MCTP1: variants seen among roughly 807,000 people sequenced by gnomAD.
MCTP1 encodes the protein multiple C2 and transmembrane domain-containing protein 1.
A neutral mutation model predicts 120.6 loss-of-function variants in MCTP1; 69 were observed. The ratio of observed to expected loss-of-function variants is 0.57; its 90% CI spans 0.47 to 0.70. The LOEUF is 0.70. MCTP1 is among the 30% of genes least tolerant of loss of function. The probability of loss-of-function intolerance (pLI) is 0.00; values close to 1 mark genes in which losing one functional copy is unlikely to be tolerated. For synonymous variants in MCTP1, 529 were observed against 493.1 expected, an observed-to-expected ratio of 1.07 and a Z score of -0.96; for missense variants, 1,203 against 1,248.8, an observed-to-expected ratio of 0.96 and a Z score of 0.55.
chr5:94,960,615 C>G (rs923981718), intron 2 of MCTP1, among the ~76,000 whole-genome samples: 1 of 152,044 alleles, frequency 6.6e-6, no homozygotes, highest in Non-Finnish European at 1.5e-5. Context: ...AGGATATGAA[C>G]AGATACTTTT....
intron 12 of MCTP1, among the ~76,000 whole-genome samples, chr5:94,888,367 T>C (rs938631515): frequency 1.3e-5 from 2 of 152,212 alleles, no homozygotes; most frequent in Admixed American, 1.3e-4. Flanking sequence ...TCTAGAGACT[T>C]AGTTTAGATC....
At chr5:95,202,042 T>A (rs537875532) in intron 1 of MCTP1, among the ~76,000 whole-genome samples, 1 of 152,142 alleles carries the variant, frequency 6.6e-6, no homozygotes, top group Non-Finnish European at 1.5e-5. Flanking sequence ...GAAGCATTGT[T>A]TCTAGGTTTG....
chr5:95,020,164 AT>A (rs1213957892), intron 1 of MCTP1, among the ~76,000 whole-genome samples: 1 of 152,070 alleles, frequency 6.6e-6, no homozygotes, highest in Non-Finnish European at 1.5e-5. Context: ...AGCCAGAAAA[AT>A]TTGAAGGCTC....
At chr5:94,783,692 T>A (rs996571290) in intron 18 of MCTP1, among the ~76,000 whole-genome samples, 19 of 152,074 alleles carry the variant, frequency 1.2e-4, no homozygotes, top group Admixed American at 9.2e-4. Flanking sequence ...TTAACACCAA[T>A]TTAAGGTATA....
chr5:94,722,044 T>C (rs1250700299), intron 19 of MCTP1, among the ~76,000 whole-genome samples: 1 of 152,204 alleles, frequency 6.6e-6, no homozygotes, highest in African/African-American at 2.4e-5. Context: ...ACTGTAAAAG[T>C]TGAAGTACAG....
At chr5:95,215,962 G>A (rs1454642237) in intron 1 of MCTP1, among the ~76,000 whole-genome samples, 2 of 151,928 alleles carry the variant, frequency 1.3e-5, no homozygotes, top group African/African-American at 4.8e-5. Context: ...TCTATCTAAA[G>A]GGATAACATT....
intron 10 of MCTP1, among the ~76,000 whole-genome samples, chr5:94,908,745 G>A (rs1807631759): frequency 1.3e-5 from 2 of 151,910 alleles, no homozygotes; most frequent in South Asian, 4.1e-4. Flanking sequence ...TCTTTACTGT[G>A]CTATCAGATT....
chr5:95,281,258 G>A (rs998955037), intron 1 of MCTP1, among the ~76,000 whole-genome samples: 1 of 152,214 alleles, frequency 6.6e-6, no homozygotes, highest in Non-Finnish European at 1.5e-5. Context: ...AGATCTCTGA[G>A]ATATTCAGGA....
At chr5:94,747,627 T>C (rs1767226518) in intron 19 of MCTP1, among the ~76,000 whole-genome samples, 1 of 152,146 alleles carries the variant, frequency 6.6e-6, no homozygotes, top group South Asian at 2.1e-4. Flanking sequence ...GTTTACTGAC[T>C]TCTGTTCTAG....
intron 19 of MCTP1, among the ~76,000 whole-genome samples, chr5:94,737,793 A>C (rs1764605705): frequency 6.6e-6 from 1 of 152,178 alleles, no homozygotes; most frequent in Non-Finnish European, 1.5e-5. Flanking sequence ...CTCCTGCTTC[A>C]AGCCTCCCAA....
intron 1 of MCTP1, among the ~76,000 whole-genome samples, chr5:95,255,260 T>C (rs1488687517): frequency 6.6e-6 from 1 of 152,196 alleles, no homozygotes; most frequent in Non-Finnish European, 1.5e-5. Context: ...CTAATATTTG[T>C]ATACCCAGCA....
chr5:95,212,073 C>T (rs1370430997), intron 1 of MCTP1, among the ~76,000 whole-genome samples: 1 of 151,990 alleles, frequency 6.6e-6, no homozygotes, highest in Admixed American at 6.6e-5. Context: ...TTAATGAATC[C>T]AGGAGTTGGT....
intron 10 of MCTP1, among the ~76,000 whole-genome samples, chr5:94,908,086 T>C (rs757157586): frequency 2.1e-4 from 32 of 152,082 alleles, no homozygotes; most frequent in Non-Finnish European, 4.1e-4. Context: ...ATCTTAGATA[T>C]ATAATTATAA....
intron 17 of MCTP1, chr5:94,867,666 G>A: frequency 3.0e-6 from 1 of 336,696 alleles, no homozygotes; most frequent in Non-Finnish European, 5.4e-6. Flanking sequence ...CCCAGCTAAA[G>A]CTCAGAGCAA....
At chr5:94,724,496 C>T (rs1232389716) in intron 19 of MCTP1, among the ~76,000 whole-genome samples, 1 of 151,718 alleles carries the variant, frequency 6.6e-6, no homozygotes, top group African/African-American at 2.4e-5. Flanking sequence ...AAGCAATCCT[C>T]CCACCTTGGT....
chr5:95,041,972 T>C (rs933656872), intron 1 of MCTP1, among the ~76,000 whole-genome samples: 1 of 152,194 alleles, frequency 6.6e-6, no homozygotes, highest in Non-Finnish European at 1.5e-5. Context: ...AAGACAGAAC[T>C]CTGCCTGTGA....
intron 19 of MCTP1, among the ~76,000 whole-genome samples, chr5:94,726,336 C>G (rs1165323467): frequency 6.6e-6 from 1 of 152,154 alleles, no homozygotes; most frequent in Non-Finnish European, 1.5e-5. Flanking sequence ...AGATGCATGC[C>G]TTTTATCATG....
At chr5:94,710,315 G>A (rs2152533833) in intron 21 of MCTP1, 1 of 152,522 alleles carries the variant, frequency 6.6e-6, no homozygotes, top group East Asian at 1.9e-4. Context: ...TTCTTGTTTA[G>A]TACACATAAA....
intron 6 of MCTP1, among the ~76,000 whole-genome samples, chr5:94,927,326 T>G (rs1473983032): frequency 6.6e-6 from 1 of 152,216 alleles, no homozygotes; most frequent in Non-Finnish European, 1.5e-5. Flanking sequence ...CTCAGAAGTC[T>G]TGCTTATGAG....
Sources: gnomAD v4.1 joint callset for allele counts (sites outside exome capture counted in the v4.1 genomes callset) on GRCh38, gnomAD v4.1.1 for gene constraint, MANE v1.5 for transcripts, NCBI Gene and HGNC (gene_info 2026-07-23, HGNC 2026-07-21) for gene names.